Variants in CCDC13 observed in about 807,000 individuals in gnomAD.
The protein encoded by CCDC13 is coiled-coil domain-containing protein 13.
A neutral mutation model predicts 87.3 loss-of-function variants in CCDC13; 70 were observed. The ratio of observed to expected loss-of-function variants is 0.80; its 90% CI spans 0.66 to 0.98. The LOEUF is 0.98. Ranked by LOEUF, CCDC13 falls within the 50% of genes least tolerant of loss-of-function variation. The pLI is 0.00. For synonymous variants in CCDC13, 317 were observed against 360.3 expected, an observed-to-expected ratio of 0.88 and a Z score of 1.36; for missense variants, 842 against 892.0, an observed-to-expected ratio of 0.94 and a Z score of 0.71.
chr3:42,759,035 C>A (rs930303256), intron 1 of CCDC13, among the ~76,000 whole-genome samples: 12 of 152,180 alleles, frequency 7.9e-5, no homozygotes, highest in African/African-American at 2.9e-4. Flanking sequence ...ATAAAATCCA[C>A]CAGGTTGGGT....
intron 13 of CCDC13, chr3:42,719,049 C>G (rs1431836149): frequency 6.6e-6 from 1 of 152,076 alleles, no homozygotes; most frequent in African/African-American, 2.4e-5. Flanking sequence ...GTTAGTGGTC[C>G]TCTCAGTAAA....
chr3:42,745,629 G>GA (rs147457453), intron 7 of CCDC13: 3,636 of 225,742 alleles, frequency 0.016, no homozygotes, highest in East Asian at 0.025. Flanking sequence ...CATAAACTAA[G>GA]AAAAAAAAAA....
chr3:42,757,404 A>G (rs931330201), intron 2 of CCDC13, among the ~76,000 whole-genome samples, 190 bp from the exon 3 acceptor site: 1 of 152,246 alleles, frequency 6.6e-6, no homozygotes, highest in African/African-American at 2.4e-5. Context: ...CTCATAATTC[A>G]TATTTCTTTT....
At chr3:42,726,995 G>A (rs1698704705) in intron 13 of CCDC13, among the ~76,000 whole-genome samples, 1 of 152,138 alleles carries the variant, frequency 6.6e-6, no homozygotes, top group South Asian at 2.1e-4. Context: ...TGAAAGTGCT[G>A]AGAAAAAAAT....
At chr3:42,756,428 C>T (rs1267411007) in intron 3 of CCDC13, among the ~76,000 whole-genome samples, 1 of 152,166 alleles carries the variant, frequency 6.6e-6, no homozygotes, top group Non-Finnish European at 1.5e-5. Context: ...GAGGTCTCCA[C>T]CAACACAGCC....
chr3:42,745,338 C>G (rs1699363306), intron 7 of CCDC13: 1 of 152,394 alleles, frequency 6.6e-6, no homozygotes, highest in South Asian at 2.1e-4. Context: ...GTGGGGTAGG[C>G]ATCGTTATTA....
At chr3:42,737,968 G>A (rs1183845899) in intron 9 of CCDC13, among the ~76,000 whole-genome samples, 5 of 152,180 alleles carry the variant, frequency 3.3e-5, no homozygotes, top group Admixed American at 6.5e-5. Context: ...TGGTGTTTTA[G>A]TCATGAAGTC....
intron 5 of CCDC13, among the ~76,000 whole-genome samples, chr3:42,750,896 G>A (rs2125903871): frequency 6.6e-6 from 1 of 152,326 alleles, no homozygotes; most frequent in Non-Finnish European, 1.5e-5. Flanking sequence ...TAAACCAGGG[G>A]CAGCTTAGCA....
intron 13 of CCDC13, among the ~76,000 whole-genome samples, chr3:42,729,149 T>C (rs994357304): frequency 6.6e-6 from 1 of 152,164 alleles, no homozygotes; most frequent in African/African-American, 2.4e-5. Flanking sequence ...TTTGGGATGG[T>C]TTGTTATGCA....
chr3:42,730,417 C>T, intron 13 of CCDC13, 50 bp downstream of exon 13: 1 of 1,593,616 alleles, frequency 6.3e-7, no homozygotes. Flanking sequence ...TGGCCCCAGT[C>T]CCCACCACAT....
intron 13 of CCDC13, among the ~76,000 whole-genome samples, chr3:42,713,772 A>T (rs550016142): frequency 6.6e-6 from 1 of 152,262 alleles, no homozygotes; most frequent in Non-Finnish European, 1.5e-5. Flanking sequence ...ATTAGGTATC[A>T]GTTTTCTATC....
At chr3:42,760,291 T>A (rs2125911213) in intron 1 of CCDC13, among the ~76,000 whole-genome samples, 1 of 121,486 alleles carries the variant, frequency 8.2e-6, no homozygotes, top group Non-Finnish European at 1.7e-5. Flanking sequence ...AATTCTTGTC[T>A]CTAAATAAAT....
intron 10 of CCDC13, 80 bp downstream of exon 10, chr3:42,735,627 C>G: frequency 6.9e-7 from 1 of 1,452,238 alleles, no homozygotes; most frequent in Non-Finnish European, 9.6e-7. Context: ...TGAGCTAAGG[C>G]AAGTGGAAAG....
chr3:42,715,184 CT>C (rs1462320749), intron 13 of CCDC13, among the ~76,000 whole-genome samples: 1 of 151,662 alleles, frequency 6.6e-6, no homozygotes, highest in Non-Finnish European at 1.5e-5. Context: ...TGGCATGCTC[CT>C]GTAATCCCGG....
At chr3:42,740,605 G>A (rs997040023) in intron 8 of CCDC13, among the ~76,000 whole-genome samples, 1 of 152,238 alleles carries the variant, frequency 6.6e-6, no homozygotes, top group African/African-American at 2.4e-5. Context: ...AACAGGAATA[G>A]CGAGAAGGAT....
At chr3:42,753,161 G>A (rs1359303756) in intron 3 of CCDC13, among the ~76,000 whole-genome samples, 1 of 152,142 alleles carries the variant, frequency 6.6e-6, no homozygotes. Flanking sequence ...TGCAGATAAG[G>A]TAGAGGCTTG....
At chr3:42,747,161 C>T in intron 6 of CCDC13, 96 bp downstream of exon 6, 2 of 923,832 alleles carry the variant, frequency 2.2e-6, no homozygotes, top group South Asian at 1.3e-5. Flanking sequence ...GGACTGAGCA[C>T]TCATGGCTCC....
chr3:42,750,484 T>C (rs1432805324), intron 5 of CCDC13, among the ~76,000 whole-genome samples: 1 of 152,220 alleles, frequency 6.6e-6, no homozygotes, highest in Admixed American at 6.5e-5. Flanking sequence ...TTTGTTTGTT[T>C]TGAGACACAG....
At chr3:42,743,121 G>A in intron 7 of CCDC13, 64 bp from the exon 8 acceptor site, 2 of 1,579,580 alleles carry the variant, frequency 1.3e-6, no homozygotes, top group Non-Finnish European at 8.7e-7. Context: ...ACTCAGAAGT[G>A]TGATAGGAGA....
Sources: allele counts gnomAD v4.1 joint callset (sites outside exome capture counted in the v4.1 genomes callset), GRCh38; gene constraint gnomAD v4.1.1; transcripts MANE v1.5; gene names NCBI Gene and HGNC (gene_info 2026-07-23, HGNC 2026-07-21).